OR6C74: variants seen among roughly 807,000 people sequenced by gnomAD.
The protein encoded by OR6C74 is olfactory receptor 6C74.
For synonymous variants in OR6C74, 142 were observed against 134.2 expected (o/e 1.06, Z -0.40); for missense variants, 361 against 362.9 (o/e 0.99, Z 0.04).
At position 55,248,285 on chromosome 12, in the gene OR6C74, G is replaced by A; in HGVS notation, c.*59G>A. The A allele has an allele frequency of 9.0e-7, 1 of 1,106,974 alleles. No individual in the cohort carries two copies. The highest frequency in any genetic ancestry group is 1.6e-5 in the African/African-American group (1 of 63,044). 68.6% of individuals were successfully genotyped at this position (1,106,974 alleles called of 1,614,324 possible). A position where few individuals can be genotyped will look rare whatever the true frequency, so the allele number is the denominator to read the frequency against. On this transcript the variant is annotated 3_prime_UTR_variant, in exon 2 of 2. Coordinates refer to ENST00000343399, the MANE Select transcript of OR6C74 (RefSeq NM_001005490.2). The stretch of plus-strand genomic sequence containing the variant: ...AAATAAAACAAGAAGAGTGGAGTAT[G>A]TGCAAAGTTTTTCAATGTTTGTATT...
rs1303234118 is a variant in OR6C74 at position 55,244,637 on chromosome 12, G to A, written c.-190G>A. Among the ~76,000 whole-genome samples, 2 of 152,064 alleles carry A rather than the reference G, an allele frequency of 1.3e-5. No individual in the cohort carries two copies. Among genetic ancestry groups the A allele is most frequent in the African/African-American group, 4.8e-5 (2 of 41,430 alleles). On this transcript the variant is annotated 5_prime_UTR_variant, in exon 1 of 2. Transcript: ENST00000343399. ...GTATAGACTAGAAACACCTCAGCGTGAACAACAAGCTAGAAACCTTCTCTT... is the reference window on the plus strand; with the variant it reads ...GTATAGACTAGAAACACCTCAGCGTAAACAACAAGCTAGAAACCTTCTCTT...
Position 55,249,288 on chromosome 12 carries a change from C to G in OR6C74, c.*1062C>G, listed in dbSNP as rs1272094716. Among the ~76,000 whole-genome samples, 1 of 152,088 alleles carries G rather than the reference C, an allele frequency of 6.6e-6. No individual in the cohort carries two copies. The highest frequency in any genetic ancestry group is 1.5e-5 in the Non-Finnish European group (1 of 68,002). On this transcript the variant is annotated 3_prime_UTR_variant, in exon 2 of 2. Coordinates refer to ENST00000343399, the MANE Select transcript of OR6C74 (RefSeq NM_001005490.2). ...ACTTTTCCTTTCAATAGTACCCTAT[C>G]TCAGTGTTATAAGACAAGAAAACTT...
rs952106882 is a variant in OR6C74, at chr12:55,253,590, A to G, written c.*5364A>G. On this transcript the variant is annotated 3_prime_UTR_variant, in exon 2 of 2. Coordinates refer to ENST00000343399, the MANE Select transcript of OR6C74 (RefSeq NM_001005490.2). The stretch of plus-strand genomic sequence containing the variant: ...GCACATAATCATAACTTATCAGGAA[A>G]ATGTCTCTGACTCCAATTTCTTCCA... Among the ~76,000 whole-genome samples the G allele has an allele frequency of 6.6e-6, 1 of 152,088 alleles. No individual in the cohort carries two copies. Among genetic ancestry groups the G allele is most frequent in the Non-Finnish European group, 1.5e-5 (1 of 67,980 alleles).
In OR6C74 at chr12:55,254,028, T is replaced by C. The variant is rs1038630672; in HGVS notation, c.*5802T>C. Among the ~76,000 whole-genome samples, 8 of 152,090 alleles carry C rather than the reference T, an allele frequency of 5.3e-5. No homozygotes were observed. Among genetic ancestry groups the C allele is most frequent in the Admixed American group, 4.6e-4 (7 of 15,254 alleles). ...CACTACTAAAGTGCATCATGCAATATTGATAACTACTTCGGCCATACTGAC... is the reference window on the plus strand; with the variant it reads ...CACTACTAAAGTGCATCATGCAATACTGATAACTACTTCGGCCATACTGAC... On this transcript the variant is annotated 3_prime_UTR_variant, in exon 2 of 2. Coordinates refer to ENST00000343399, the MANE Select transcript of OR6C74 (RefSeq NM_001005490.2).
At chr12:55,245,961 A>G (rs1014400297) in intron 1 of OR6C74, among the ~76,000 whole-genome samples, 2 of 152,146 alleles carry the variant, frequency 1.3e-5, no homozygotes, top group Admixed American at 6.5e-5. Flanking sequence ...ACAAAATTTT[A>G]TTTATTTTGT....
intron 1 of OR6C74, among the ~76,000 whole-genome samples, chr12:55,246,658 A>G (rs1019308412): frequency 1.3e-5 from 2 of 152,206 alleles, no homozygotes; most frequent in Admixed American, 1.3e-4. Context: ...AGAGTGAGTG[A>G]GATAAATGTA....
At chr12:55,245,806 A>C (rs1954266839) in intron 1 of OR6C74, among the ~76,000 whole-genome samples, 1 of 152,094 alleles carries the variant, frequency 6.6e-6, no homozygotes, top group Non-Finnish European at 1.5e-5. Context: ...TTGAGCTTTA[A>C]TATAAACTAT....
Position 55,248,900 on chromosome 12 carries a change from C to G in OR6C74, c.*674C>G, listed in dbSNP as rs1954294210. On this transcript the variant is annotated 3_prime_UTR_variant, in exon 2 of 2. Transcript: ENST00000343399. ...ATGTTATTAAATTTATTAGTTCCATCTTCAAAACTCTGTAAGACAGGTATT... is the reference window on the plus strand; with the variant it reads ...ATGTTATTAAATTTATTAGTTCCATGTTCAAAACTCTGTAAGACAGGTATT... Among the ~76,000 whole-genome samples, 1 of 152,142 alleles carries G rather than the reference C, an allele frequency of 6.6e-6. No homozygotes were observed. Among genetic ancestry groups the G allele is most frequent in the Admixed American group, 6.5e-5 (1 of 15,276 alleles).
rs1306212970 is a variant in OR6C74 at position 55,252,323 on chromosome 12, G to A, written c.*4097G>A. ...GTACTTAGTTATGTGGGTTGTTGTA[G>A]TGCAAAGTTAATGCTTCACAATAAT... is the stretch of plus-strand genomic sequence containing the variant. On this transcript the variant is annotated 3_prime_UTR_variant, in exon 2 of 2. Coordinates refer to ENST00000343399, the MANE Select transcript of OR6C74 (RefSeq NM_001005490.2). Among the ~76,000 whole-genome samples, 1 of 151,514 alleles carries A rather than the reference G, an allele frequency of 6.6e-6. No homozygotes were observed. The highest frequency in any genetic ancestry group is 6.6e-5 in the Admixed American group (1 of 15,190).
In OR6C74 at chr12:55,247,744, A is replaced by G; in HGVS notation, c.457A>G (p.Ile153Val). ...TGCTTCATGGATGGCTGGCTTCCTA[A>G]TAATTTTTCCGCCACTCCTGATGGG... The part of the protein sequence containing the change: ...VFASWMAGFL[I>V]IFPPLLMGLQ... Residue 153 changes from isoleucine (I) to valine (V), a missense_variant, in exon 2 of 2, where the codon ATA becomes GTA. Coordinates refer to ENST00000343399, the MANE Select transcript of OR6C74 (RefSeq NM_001005490.2). The G allele has an allele frequency of 6.2e-7, 1 of 1,613,894 alleles. No individual in the cohort carries two copies. The highest frequency in any genetic ancestry group is 8.5e-7 in the Non-Finnish European group (1 of 1,179,976).
chr12:55,246,233 A>G (rs530240776), intron 1 of OR6C74, among the ~76,000 whole-genome samples: 92 of 152,348 alleles, frequency 6.0e-4, no homozygotes, highest in African/African-American at 2.1e-3. Flanking sequence ...GTGCTGAACT[A>G]GAAAAGAGAG....
rs1041525289 is a variant in OR6C74 at position 55,251,989 on chromosome 12, T to C, written c.*3763T>C. Reference sequence around the variant, plus strand: ...AGTGTAAGTGTGCAACTGGTGTTTATCAAACATTCAATTAGTAAATATATG... The same window carrying C: ...AGTGTAAGTGTGCAACTGGTGTTTACCAAACATTCAATTAGTAAATATATG... On this transcript the variant is annotated 3_prime_UTR_variant, in exon 2 of 2. Transcript: ENST00000343399. Among the ~76,000 whole-genome samples the C allele has an allele frequency of 5.9e-5, 9 of 151,620 alleles. No individual in the cohort carries two copies. Among genetic ancestry groups the C allele is most frequent in the Non-Finnish European group, 1.2e-4 (8 of 67,748 alleles).
In OR6C74 at chr12:55,247,921, G is replaced by C; in HGVS notation, c.634G>C (p.Val212Leu). The part of the protein sequence containing the change: ...ILTLLVTLVL[V>L]ILSYTNIIRT... ...GACGCTCCTGGTTACACTGGTATTAGTGATTCTCTCCTACACAAATATTAT... is the reference window on the plus strand; with the variant it reads ...GACGCTCCTGGTTACACTGGTATTACTGATTCTCTCCTACACAAATATTAT... The change falls in exon 2 of 2, where the codon GTG becomes CTG. Residue 212 changes from valine (V) to leucine (L), a missense_variant. Transcript: ENST00000343399. 1 of 1,613,954 alleles carries C rather than the reference G, an allele frequency of 6.2e-7. No individual in the cohort carries two copies. The highest frequency in any genetic ancestry group is 8.5e-7 in the Non-Finnish European group (1 of 1,179,932).
Position 55,247,842 on chromosome 12 carries a change from C to G in OR6C74, c.555C>G (p.Leu185=). 6.2e-7 allele frequency: 1 copy of G among 1,614,034 alleles called. No homozygotes were observed. The highest frequency in any genetic ancestry group is 8.5e-7 in the Non-Finnish European group (1 of 1,179,960). ...FFCDVSPILQ[L]SCTDTDIIEL... Reference sequence around the variant, plus strand: ...GTGATGTTTCTCCTATACTGCAGCTCTCTTGCACAGACACTGACATAATAG... The same window carrying G: ...GTGATGTTTCTCCTATACTGCAGCTGTCTTGCACAGACACTGACATAATAG... Residue 185 remains leucine, a synonymous_variant, in exon 2 of 2, where the codon CTC becomes CTG. Transcript: ENST00000343399.
At position 55,254,113 on chromosome 12, in the gene OR6C74, C is replaced by G. The variant is rs1954327733; in HGVS notation, c.*5887C>G. ...TTAAGTGCTATTACATAGCCTCTGA[C>G]TTTCCATGATCCATCATGTCCACTG... On this transcript the variant is annotated 3_prime_UTR_variant, in exon 2 of 2. Transcript: ENST00000343399. 6.6e-6 allele frequency among the ~76,000 whole-genome samples: 1 copy of G among 152,100 alleles called. No homozygotes were observed. Among genetic ancestry groups the G allele is most frequent in the Non-Finnish European group, 1.5e-5 (1 of 67,988 alleles).
chr12:55,247,143 T>C (rs7132623), intron 1 of OR6C74, 136 bp from the exon 2 acceptor site: 135,105 of 499,992 alleles, frequency 0.27, 19,985 homozygotes, highest in Middle Eastern at 0.37. Context: ...ATCACATAAG[T>C]TAATTTTTAT....
Position 55,248,027 on chromosome 12 carries a change from C to G in OR6C74, c.740C>G (p.Ser247Cys). The G allele has an allele frequency of 6.2e-7, 1 of 1,614,014 alleles. No homozygotes were observed. The stretch of plus-strand genomic sequence containing the variant: ...TGTTCTTCCCACATGGTGGTCGTGT[C>G]CATTTCTTATGGCAGCTGCATCTTC... ...STCSSHMVVV[S>C]ISYGSCIFMY... The change falls in exon 2 of 2, where the codon TCC (serine) becomes TGC (cysteine). Residue 247 changes from serine (S) to cysteine (C), a missense_variant. Transcript: ENST00000343399.
In OR6C74 at chr12:55,255,933, T is replaced by C. The variant is rs1041449217; in HGVS notation, c.*7707T>C. On this transcript the variant is annotated 3_prime_UTR_variant, in exon 2 of 2. Coordinates refer to ENST00000343399, the MANE Select transcript of OR6C74 (RefSeq NM_001005490.2). ...TAAACGAGGAAGCATAGGGAATCTTTGGTTAGGGTAGTAAAATTATTCTAT... is the reference window on the plus strand; with the variant it reads ...TAAACGAGGAAGCATAGGGAATCTTCGGTTAGGGTAGTAAAATTATTCTAT... Among the ~76,000 whole-genome samples, 1 of 152,100 alleles carries C rather than the reference T, an allele frequency of 6.6e-6. No homozygotes were observed. Among genetic ancestry groups the C allele is most frequent in the Non-Finnish European group, 1.5e-5 (1 of 68,010 alleles).
chr12:55,250,136 C>T lies in OR6C74; in HGVS notation c.*1910C>T, dbSNP rs1053116464. On this transcript the variant is annotated 3_prime_UTR_variant, in exon 2 of 2. Transcript: ENST00000343399. Reference sequence around the variant, plus strand: ...TTTGGAATCTGACAAAAAGTCTGATCTGGAATATCTCAGATTTTCTTCTGA... The same window carrying T: ...TTTGGAATCTGACAAAAAGTCTGATTTGGAATATCTCAGATTTTCTTCTGA... Among the ~76,000 whole-genome samples the T allele has an allele frequency of 6.6e-6, 1 of 152,134 alleles. No individual in the cohort carries two copies. The highest frequency in any genetic ancestry group is 1.5e-5 in the Non-Finnish European group (1 of 67,996).
Sources: gnomAD v4.1 joint callset for allele counts (sites outside exome capture counted in the v4.1 genomes callset) on GRCh38, gnomAD v4.1.1 for gene constraint, MANE v1.5 for transcripts, NCBI Gene and HGNC (gene_info 2026-07-23, HGNC 2026-07-21) for gene names.